The following ANKS1A variants were observed in gnomAD, a reference collection of about 807,000 sequenced individuals.
ANKS1A encodes ankyrin repeat and SAM domain-containing protein 1A.
A neutral mutation model predicts 120.3 loss-of-function variants in ANKS1A; 55 were observed. That is an observed-to-expected ratio of 0.46 (90% CI 0.37 to 0.57). ANKS1A has a LOEUF of 0.57. Ranked by LOEUF, ANKS1A falls within the 20% of genes least tolerant of loss-of-function variation. The probability of loss-of-function intolerance (pLI) is 0.00; values close to 1 mark genes in which losing one functional copy is unlikely to be tolerated. For missense variants in ANKS1A, 1,123 were observed against 1,480.3 expected (o/e 0.76, Z 3.96); for synonymous variants, 590 against 604.7 (o/e 0.98, Z 0.36).
chr6:34,991,745 TATATACACAC>T (rs1374660529), intron 9 of ANKS1A, among the ~76,000 whole-genome samples: 43 of 26,982 alleles, frequency 1.6e-3, no homozygotes, highest in African/African-American at 2.6e-3. Flanking sequence ...TATATATACA[TATATACACAC>T]ATATATATAT....
At chr6:35,033,457 A>G (rs1471747909) in intron 11 of ANKS1A, among the ~76,000 whole-genome samples, 1 of 152,160 alleles carries the variant, frequency 6.6e-6, no homozygotes, top group Non-Finnish European at 1.5e-5. Flanking sequence ...TCCAAGGCCC[A>G]TTTTTTAAGA....
At chr6:34,932,726 T>A (rs918713293) in intron 1 of ANKS1A, among the ~76,000 whole-genome samples, 9 of 152,198 alleles carry the variant, frequency 5.9e-5, no homozygotes, top group Admixed American at 3.9e-4. Flanking sequence ...ATTGTATGAG[T>A]ATACCATATG....
At position 35,082,390 on chromosome 6, in the gene ANKS1A, G is replaced by A. The variant is rs968550791; in HGVS notation, c.2710-301G>A. On this transcript the variant is annotated intron_variant, in intron 17 of 23. Transcript: ENST00000360359. This position sits in a 1 kb window ranked among gnomAD's most constrained non-coding sequence, Gnocchi z 4.1. ...AGCCTGTGCCCCCCACACAGACTCT[G>A]CCATCTCCTCTCTGGTCATTTCCCA... is the stretch of plus-strand genomic sequence containing the variant. 4.6e-5 allele frequency among the ~76,000 whole-genome samples: 7 copies of A among 151,820 alleles called. No individual in the cohort carries two copies. The highest frequency in any genetic ancestry group is 1.0e-4 in the Non-Finnish European group (7 of 67,964).
At chr6:34,902,729 G>A (rs765391193) in intron 1 of ANKS1A, among the ~76,000 whole-genome samples, 1 of 137,306 alleles carries the variant, frequency 7.3e-6, no homozygotes, top group Non-Finnish European at 1.6e-5. Context: ...CTTGAACCCG[G>A]AAGGCGGAGG....
intron 1 of ANKS1A, among the ~76,000 whole-genome samples, chr6:34,952,933 C>T (rs2127494501): frequency 6.6e-6 from 1 of 152,302 alleles, no homozygotes; most frequent in South Asian, 2.1e-4. Context: ...TGGTCTCGAA[C>T]TCCTGACCTC....
At chr6:35,083,895 G>A (rs1777819135) in intron 20 of ANKS1A, among the ~76,000 whole-genome samples, 1 of 152,202 alleles carries the variant, frequency 6.6e-6, no homozygotes, top group South Asian at 2.1e-4. Context: ...GCTTGTGGTT[G>A]GGTGTGAACA....
intron 8 of ANKS1A, among the ~76,000 whole-genome samples, chr6:34,988,683 C>G (rs1048145258): frequency 7.9e-5 from 12 of 152,118 alleles, no homozygotes; most frequent in Admixed American, 5.9e-4. Flanking sequence ...GATAAGAGAA[C>G]AGGTTGAGCT....
rs150889894 is a variant in ANKS1A at position 34,936,278 on chromosome 6, C to T, written c.198-30961C>T. Among the ~76,000 whole-genome samples, 305 of 152,164 alleles carry T rather than the reference C, an allele frequency of 2.0e-3. 4 individuals are homozygous for T. Among genetic ancestry groups the T allele is most frequent in the African/African-American group, 6.9e-3 (285 of 41,514 alleles). ...CAGGGCAGCAGCAGAAGTAGAAAGA[C>T]CTCCACTGTCACTGAGGTAGAGACT... On this transcript the variant is annotated intron_variant, in intron 1 of 23. Transcript: ENST00000360359.
chr6:34,891,836 C>G (rs944524846), intron 1 of ANKS1A, among the ~76,000 whole-genome samples: 1 of 152,172 alleles, frequency 6.6e-6, no homozygotes, highest in African/African-American at 2.4e-5. Context: ...ACCATGTTAG[C>G]CAGGCTGTTC....
chr6:34,938,693 A>T (rs1769379471), intron 1 of ANKS1A, among the ~76,000 whole-genome samples: 1 of 145,078 alleles, frequency 6.9e-6, no homozygotes, highest in East Asian at 2.1e-4. Flanking sequence ...GAGTCTTATA[A>T]AACAAGTATT....
intron 1 of ANKS1A, among the ~76,000 whole-genome samples, chr6:34,934,276 C>T (rs1181932681): frequency 6.6e-6 from 1 of 152,060 alleles, no homozygotes; most frequent in South Asian, 2.1e-4. Context: ...GCCTCCGGAG[C>T]AGCTGGGACT....
Position 35,025,378 on chromosome 6 carries a change from G to A in ANKS1A, c.2010+7319G>A, listed in dbSNP as rs960057473. On this transcript the variant is annotated intron_variant, in intron 11 of 23. Coordinates refer to ENST00000360359, the MANE Select transcript of ANKS1A (RefSeq NM_015245.3). Reference sequence around the variant, plus strand: ...AAACTCCACGGTGTTGTGAATGAGCGGGAGTTAGTCCTGGCTCTGCAATTG... The same window carrying A: ...AAACTCCACGGTGTTGTGAATGAGCAGGAGTTAGTCCTGGCTCTGCAATTG... Among the ~76,000 whole-genome samples the A allele has an allele frequency of 2.6e-5, 4 of 151,930 alleles. 1 individual carries two copies. Among genetic ancestry groups the A allele is most frequent in the South Asian group, 4.2e-4 (2 of 4,814 alleles).
In ANKS1A at chr6:34,985,186, T is replaced by C; in HGVS notation, c.1117T>C (p.Leu373=). 1.9e-6 allele frequency: 3 copies of C among 1,614,230 alleles called. No individual in the cohort carries two copies. The highest frequency in any genetic ancestry group is 2.5e-6 in the Non-Finnish European group (3 of 1,180,038). Residue 373 remains leucine, a synonymous_variant, in exon 8 of 24, where the codon TTG becomes CTG. Transcript: ENST00000360359. The stretch of plus-strand genomic sequence containing the variant: ...GTATAATGCCATCTCCTGCCATTCG[T>C]TGGACAGCATGGCCAGCGGGCGATC... ...ALYNAISCHS[L]DSMASGRSSD...
chr6:35,018,189 T>A, intron 11 of ANKS1A, 130 bp downstream of exon 11: 1 of 880,432 alleles, frequency 1.1e-6, no homozygotes, highest in South Asian at 1.7e-5. Flanking sequence ...ACTCCGTAAC[T>A]AATGTATTTC....
intron 1 of ANKS1A, among the ~76,000 whole-genome samples, chr6:34,951,621 G>A (rs1056325984): frequency 5.9e-5 from 9 of 152,104 alleles, no homozygotes; most frequent in African/African-American, 1.9e-4. Context: ...TTTCATTTGA[G>A]ACATTTATCC....
intron 23 of ANKS1A, 58 bp downstream of exon 23, chr6:35,087,107 G>C: frequency 6.5e-7 from 1 of 1,534,604 alleles, no homozygotes; most frequent in Middle Eastern, 1.7e-4. Flanking sequence ...GTCTCACTGT[G>C]CCTTTGCCAT....
intron 1 of ANKS1A, among the ~76,000 whole-genome samples, chr6:34,914,327 A>G (rs1768054434): frequency 1.5e-5 from 2 of 131,786 alleles, no homozygotes; most frequent in Non-Finnish European, 3.4e-5. Context: ...ACACTGGGCT[A>G]TTTTATTTTT....
intron 10 of ANKS1A, among the ~76,000 whole-genome samples, chr6:35,007,578 C>G (rs1481963423): frequency 6.6e-6 from 1 of 152,146 alleles, no homozygotes. Context: ...TAGTGGACAA[C>G]TTTCCATGTT....
chr6:34,912,880 A>G (rs1251291383), intron 1 of ANKS1A, among the ~76,000 whole-genome samples: 1 of 152,112 alleles, frequency 6.6e-6, no homozygotes, highest in African/African-American at 2.4e-5. Flanking sequence ...GATGCAGAAC[A>G]TTTCTTGTGG....
Sources: allele counts gnomAD v4.1 joint callset (sites outside exome capture counted in the v4.1 genomes callset), GRCh38; gene constraint gnomAD v4.1.1; non-coding constraint Gnocchi (gnomAD v3.1); transcripts MANE v1.5; gene names NCBI Gene and HGNC (gene_info 2026-07-23, HGNC 2026-07-21).